The following PLAGL1 variants were observed in gnomAD, a reference collection of about 807,000 sequenced individuals.
PLAGL1 encodes the protein zinc finger protein PLAGL1.
In PLAGL1, 1 loss-of-function variant was observed where a neutral mutation model predicts 4.6. The observed-to-expected ratio is 0.22, with a 90% CI of 0.08 to 1.03. The LOEUF (loss-of-function observed/expected upper bound fraction) is 1.03. PLAGL1 is among the 50% of genes least tolerant of loss of function. The pLI, the probability that PLAGL1 is intolerant of heterozygous loss-of-function variation, is 0.58. For missense variants in PLAGL1, 464 were observed against 570.4 expected (o/e 0.81, Z 1.90); for synonymous variants, 240 against 237.8 (o/e 1.01, Z -0.08).
At chr6:144,033,116 A>G (rs1193997306) in intron 1 of PLAGL1, among the ~76,000 whole-genome samples, 1 of 152,220 alleles carries the variant, frequency 6.6e-6, no homozygotes, top group Non-Finnish European at 1.5e-5. Context: ...ATCAGCAAAT[A>G]AACAAAATGG....
In PLAGL1 at chr6:143,950,436, C is replaced by G. The variant is rs1216256456; in HGVS notation, c.-324-1976G>C. Among the ~76,000 whole-genome samples, 1 of 152,184 alleles carries G rather than the reference C, an allele frequency of 6.6e-6. No individual in the cohort carries two copies. The highest frequency in any genetic ancestry group is 2.4e-5 in the African/African-American group (1 of 41,436). ...TTCTATTCCGCCTGCCGAGTTTGCTCTGCTAGGTATCATGATCTGTTCTAC... is the reference window on the plus strand; with the variant it reads ...TTCTATTCCGCCTGCCGAGTTTGCTGTGCTAGGTATCATGATCTGTTCTAC... On this transcript the variant is annotated intron_variant, in intron 6 of 7. Coordinates refer to ENST00000674357, the MANE Select transcript of PLAGL1 (RefSeq NM_001317162.2). This position sits in a 1 kb window ranked among gnomAD's most constrained non-coding sequence, Gnocchi z 6.3.
At position 143,978,678 on chromosome 6, in the gene PLAGL1, C is replaced by A. The variant is rs1162216145; in HGVS notation, c.-544+6457G>T. Reference sequence around the variant, plus strand: ...AATTCCATTATGGTCAGTGAACACTCTTTGTATGATTTAAATCCTTCAGAA... The same window carrying A: ...AATTCCATTATGGTCAGTGAACACTATTTGTATGATTTAAATCCTTCAGAA... On this transcript the variant is annotated intron_variant, in intron 2 of 7. Transcript: ENST00000674357. The surrounding 1 kb of genome is among the most constrained non-coding windows in gnomAD (Gnocchi z 4.6). Among the ~76,000 whole-genome samples the A allele has an allele frequency of 1.3e-5, 2 of 152,192 alleles. No individual in the cohort carries two copies. The highest frequency in any genetic ancestry group is 2.4e-5 in the African/African-American group (1 of 41,458).
intron 1 of PLAGL1, among the ~76,000 whole-genome samples, chr6:144,047,994 T>A (rs568921831): frequency 1.3e-5 from 2 of 152,266 alleles, no homozygotes; most frequent in South Asian, 4.1e-4. Context: ...ATTAGATAAA[T>A]GCTCCCATTC....
chr6:144,033,151 T>A (rs997593031), intron 1 of PLAGL1, among the ~76,000 whole-genome samples: 1 of 152,198 alleles, frequency 6.6e-6, no homozygotes, highest in African/African-American at 2.4e-5. Context: ...GTAAAGGTCA[T>A]ACCACAAGAA....
Position 144,004,097 on chromosome 6 carries a change from C to T in PLAGL1, c.-584+3993G>A, listed in dbSNP as rs541545777. ...ATAAATTTTTTTCTGTAAATGGCCA[C>T]GTGGTAAATAGTTTAGGCTTTGTGG... On this transcript the variant is annotated intron_variant, in intron 1 of 7. Transcript: ENST00000674357. The surrounding 1 kb of genome is among the most constrained non-coding windows in gnomAD (Gnocchi z 4.2). Among the ~76,000 whole-genome samples, 4 of 152,226 alleles carry T rather than the reference C, an allele frequency of 2.6e-5. No homozygotes were observed. In the East Asian group the frequency reaches 5.8e-4, roughly 22 times the overall value.
At position 143,947,918 on chromosome 6, in the gene PLAGL1, G is replaced by C; in HGVS notation, c.152+67C>G. On this transcript the variant is annotated intron_variant, in intron 7 of 7. Transcript: ENST00000674357. This position sits in a 1 kb window ranked among gnomAD's most constrained non-coding sequence, Gnocchi z 4.3. ...TGTCCCTTTCCCCTTGCATCGTGTG[G>C]TCTGAGGGCTAGAAAAGCCATTTAA... 7.4e-7 allele frequency: 1 copy of C among 1,347,274 alleles called. No homozygotes were observed. Among genetic ancestry groups the C allele is most frequent in the East Asian group, 2.3e-5 (1 of 43,216 alleles). 83.5% of individuals were successfully genotyped at this position (1,347,274 alleles called of 1,614,324 possible).
Position 143,941,670 on chromosome 6 carries a change from G to C in PLAGL1, c.1146C>G (p.Pro382=), listed in dbSNP as rs150039945. Residue 382 remains proline, a synonymous_variant, in exon 8 of 8, where the codon CCC becomes CCG. Transcript: ENST00000674357. The surrounding 1 kb of genome is among the most constrained non-coding windows in gnomAD (Gnocchi z 6.0). ...LTIPASLDLS[P]LLGFWQLPPP... Reference sequence around the variant, plus strand: ...GGGGCAGCTGCCAGAAGCCCAACAGGGGGGACAGGTCCAGAGAGGCAGGTA... The same window carrying C: ...GGGGCAGCTGCCAGAAGCCCAACAGCGGGGACAGGTCCAGAGAGGCAGGTA... 42 of 1,614,106 alleles carry C rather than the reference G, an allele frequency of 2.6e-5. No individual in the cohort carries two copies. Among genetic ancestry groups the C allele is most frequent in the Middle Eastern group, 1.6e-4 (1 of 6,084 alleles).
rs1036664898 is a variant in PLAGL1, at chr6:143,952,362, G to A, written c.-324-3902C>T. ...GTGACTTGACATAGAAATTGCATTT[G>A]AGTCTTAAATACGGTGCTATTTCAA... is the stretch of plus-strand genomic sequence containing the variant. On this transcript the variant is annotated intron_variant, in intron 6 of 7. Transcript: ENST00000674357. The surrounding 1 kb of genome is among the most constrained non-coding windows in gnomAD (Gnocchi z 6.1). 3.9e-5 allele frequency among the ~76,000 whole-genome samples: 6 copies of A among 152,188 alleles called. No homozygotes were observed. The highest frequency in any genetic ancestry group is 1.4e-4 in the African/African-American group (6 of 41,430).
rs1181402206 is a variant in PLAGL1, at chr6:143,984,046, T to C, written c.-544+1089A>G. 2.0e-5 allele frequency among the ~76,000 whole-genome samples: 3 copies of C among 152,112 alleles called. No individual in the cohort carries two copies. Among genetic ancestry groups the C allele is most frequent in the Non-Finnish European group, 4.4e-5 (3 of 68,004 alleles). On this transcript the variant is annotated intron_variant, in intron 2 of 7. Coordinates refer to ENST00000674357, the MANE Select transcript of PLAGL1 (RefSeq NM_001317162.2). The surrounding 1 kb of genome is among the most constrained non-coding windows in gnomAD (Gnocchi z 5.5). Reference sequence around the variant, plus strand: ...TCAAGGAATAAGGAACAATGATGTATTTTTACTTTCCAGATTTTAAATTTT... The same window carrying C: ...TCAAGGAATAAGGAACAATGATGTACTTTTACTTTCCAGATTTTAAATTTT...
chr6:144,061,432 T>C lies in PLAGL1; in HGVS notation c.-151+3036A>G, dbSNP rs552160809. On this transcript the variant is annotated intron_variant, in intron 1 of 3. Coordinates refer to the PLAGL1 transcript ENST00000437412. This position sits in a 1 kb window ranked among gnomAD's most constrained non-coding sequence, Gnocchi z 4.4. ...GCAGCCACTCCTGAATGTGGCCTTT[T>C]CACAGCCAGGTGCCTCTGAAACATC... is the stretch of plus-strand genomic sequence containing the variant. Among the ~76,000 whole-genome samples, 1 of 152,338 alleles carries C rather than the reference T, an allele frequency of 6.6e-6. No homozygotes were observed. Among genetic ancestry groups the C allele is most frequent in the East Asian group, 1.9e-4 (1 of 5,184 alleles).
At chr6:144,057,293 A>G (rs1799045064) in intron 1 of PLAGL1, among the ~76,000 whole-genome samples, 1 of 152,276 alleles carries the variant, frequency 6.6e-6, no homozygotes, top group South Asian at 2.1e-4. Flanking sequence ...AATAACCAGC[A>G]GTATTCTATT....
At chr6:144,021,880 T>A (rs1006679477) in intron 1 of PLAGL1, among the ~76,000 whole-genome samples, 8 of 152,204 alleles carry the variant, frequency 5.3e-5, no homozygotes, top group African/African-American at 1.9e-4. Context: ...AGTCATGGAA[T>A]CATAGAACTG....
chr6:144,007,443 T>G (rs535732467), intron 1 of PLAGL1: 1 of 152,204 alleles, frequency 6.6e-6, no homozygotes, highest in Non-Finnish European at 1.5e-5. Flanking sequence ...TGATTTTTAT[T>G]GGTTTCCTAA....
chr6:143,973,386 G>A lies in PLAGL1; in HGVS notation c.-543-4408C>T, dbSNP rs981899540. ...ATCCGTTTCCTACATTCCAGTGACA[G>A]TTCAGAATGCTAACCATGACAAACC... On this transcript the variant is annotated intron_variant, in intron 2 of 7. Coordinates refer to ENST00000674357, the MANE Select transcript of PLAGL1 (RefSeq NM_001317162.2). This position sits in a 1 kb window ranked among gnomAD's most constrained non-coding sequence, Gnocchi z 6.2. Among the ~76,000 whole-genome samples, 2 of 152,152 alleles carry A rather than the reference G, an allele frequency of 1.3e-5. No individual in the cohort carries two copies. The highest frequency in any genetic ancestry group is 6.5e-5 in the Admixed American group (1 of 15,272).
At chr6:143,991,656 C>G (rs966884684) in intron 1 of PLAGL1, among the ~76,000 whole-genome samples, 4 of 152,114 alleles carry the variant, frequency 2.6e-5, no homozygotes, top group Admixed American at 1.3e-4. Flanking sequence ...ATGAGGAGTC[C>G]AAAGGCCTAA....
chr6:144,046,601 T>G (rs1798169811), intron 1 of PLAGL1, among the ~76,000 whole-genome samples: 1 of 152,168 alleles, frequency 6.6e-6, no homozygotes, highest in Non-Finnish European at 1.5e-5. Context: ...AGGTGTTAGT[T>G]GGCCCCTACT....
intron 1 of PLAGL1, among the ~76,000 whole-genome samples, chr6:144,003,590 C>T (rs945445491): frequency 1.4e-4 from 21 of 145,848 alleles, no homozygotes; most frequent in African/African-American, 4.6e-4. Context: ...TGCCACTGCA[C>T]TCCAGCCTGG....
chr6:143,942,369 G>T lies in PLAGL1; in HGVS notation c.447C>A (p.Ser149Arg). 3 of 1,614,062 alleles carry T rather than the reference G, an allele frequency of 1.9e-6. No homozygotes were observed. The highest frequency in any genetic ancestry group is 2.5e-6 in the Non-Finnish European group (3 of 1,179,992). The change falls in exon 8 of 8, where the codon AGC (serine) becomes AGA (arginine). Residue 149 changes from serine (S) to arginine (R), a missense_variant. By Grantham distance (110) the Ser-to-Arg change is moderately radical. Transcript: ENST00000674357. The surrounding 1 kb of genome is among the most constrained non-coding windows in gnomAD (Gnocchi z 7.6). Reference sequence around the variant, plus strand: ...ACTGGTGCTTCTTTTCCTTGGTTCCGCTAGGGGGCTTCTCTTCCGCATGGG... The same window carrying T: ...ACTGGTGCTTCTTTTCCTTGGTTCCTCTAGGGGGCTTCTCTTCCGCATGGG... ...LKAHAEEKPP[S>R]GTKEKKHQCD...
At chr6:143,980,975 A>C (rs1787813917) in intron 2 of PLAGL1, among the ~76,000 whole-genome samples, 1 of 152,222 alleles carries the variant, frequency 6.6e-6, no homozygotes, top group African/African-American at 2.4e-5. Flanking sequence ...ATGTAAATAC[A>C]TTTGCTTACA....
Sources: allele counts gnomAD v4.1 joint callset (sites outside exome capture counted in the v4.1 genomes callset), GRCh38; gene constraint gnomAD v4.1.1; non-coding constraint Gnocchi (gnomAD v3.1); transcripts MANE v1.5; gene names NCBI Gene and HGNC (gene_info 2026-07-23, HGNC 2026-07-21).